The following PRKG1 variants were observed in gnomAD, a reference collection of about 807,000 sequenced individuals.
The protein encoded by PRKG1 is protein kinase cGMP-dependent 1.
A neutral mutation model predicts 88.1 loss-of-function variants in PRKG1; 35 were observed. The ratio of observed to expected loss-of-function variants is 0.40; its 90% confidence interval spans 0.30 to 0.53. PRKG1 has a LOEUF of 0.53. Among genes scored for constraint, PRKG1 ranks in the 20% least tolerant of loss-of-function variants. PRKG1 has a pLI of 0.59. For missense variants in PRKG1, 540 were observed against 839.8 expected (o/e 0.64, Z 4.41); for synonymous variants, 303 against 292.5 (o/e 1.04, Z -0.37).
rs564876495 is a variant in PRKG1, at chr10:52,181,285, G to A, written c.1076+19322G>A. Among the ~76,000 whole-genome samples the A allele has an allele frequency of 2.6e-5, 4 of 152,186 alleles. No homozygotes were observed. In the East Asian group the frequency reaches 7.7e-4, roughly 29 times the overall value. On this transcript the variant is annotated intron_variant, in intron 9 of 17. Transcript: ENST00000373980. ...CTTAGGTACATGTCTCCTGGGGGTG[G>A]CCTGGGACATGAGAACACAGCTGCT...
intron 3 of PRKG1, among the ~76,000 whole-genome samples, chr10:51,561,369 A>G (rs2132149056): frequency 6.6e-6 from 1 of 152,168 alleles, no homozygotes; most frequent in Non-Finnish European, 1.5e-5. Context: ...CAGATTTTCA[A>G]CAGAAAGCTA....
intron 3 of PRKG1, among the ~76,000 whole-genome samples, chr10:51,705,678 C>A (rs2132422894): frequency 6.6e-6 from 1 of 152,250 alleles, no homozygotes; most frequent in Non-Finnish European, 1.5e-5. Flanking sequence ...ATATTTTATT[C>A]TTTCTGCAAC....
At chr10:52,178,426 C>T (rs961813737) in intron 9 of PRKG1, among the ~76,000 whole-genome samples, 11 of 151,940 alleles carry the variant, frequency 7.2e-5, no homozygotes, top group African/African-American at 2.4e-5. Context: ...TATCATCTAT[C>T]CTGGGGAATG....
At chr10:51,959,196 A>C (rs1039329367) in intron 5 of PRKG1, among the ~76,000 whole-genome samples, 1 of 152,148 alleles carries the variant, frequency 6.6e-6, no homozygotes, top group Non-Finnish European at 1.5e-5. Flanking sequence ...TAGACTAGAC[A>C]CTCAACATGT....
chr10:51,125,458 T>C (rs1431769728), intron 1 of PRKG1, among the ~76,000 whole-genome samples: 1 of 150,792 alleles, frequency 6.6e-6, no homozygotes, highest in Non-Finnish European at 1.5e-5. Flanking sequence ...GAGGCCAAGT[T>C]GGGCAGATCA....
intron 9 of PRKG1, among the ~76,000 whole-genome samples, chr10:52,165,246 G>C (rs994906783): frequency 1.3e-5 from 2 of 152,060 alleles, no homozygotes; most frequent in Non-Finnish European, 2.9e-5. Context: ...TGAAGTGTAA[G>C]GTATCTCTTA....
At chr10:51,565,287 T>A (rs548197492) in intron 3 of PRKG1, among the ~76,000 whole-genome samples, 9 of 152,088 alleles carry the variant, frequency 5.9e-5, no homozygotes, top group Non-Finnish European at 4.4e-5. Context: ...AAGCTCTTTG[T>A]CTTCATACTG....
At chr10:51,453,386 C>T (rs186962037) in intron 2 of PRKG1, among the ~76,000 whole-genome samples, 63 of 151,944 alleles carry the variant, frequency 4.1e-4, no homozygotes, top group African/African-American at 1.5e-3. Flanking sequence ...TTCTCTAGTT[C>T]CTTGAGGTGT....
intron 4 of PRKG1, among the ~76,000 whole-genome samples, chr10:51,852,256 T>G (rs2132809634): frequency 6.7e-6 from 1 of 148,358 alleles, no homozygotes; most frequent in African/African-American, 2.6e-5. Flanking sequence ...ATATATAAAG[T>G]ATATATATGT....
chr10:51,049,543 A>G (rs777031144), intron 1 of PRKG1, among the ~76,000 whole-genome samples: 2 of 152,188 alleles, frequency 1.3e-5, no homozygotes, highest in Non-Finnish European at 2.9e-5. Context: ...AGCTTGTTTA[A>G]CTTAATATAA....
In PRKG1 at chr10:51,730,314, A is replaced by T. The variant is rs561619057; in HGVS notation, c.593-74271A>T. ...CTGGCTTAATGGCTTTTACTGTTTA[A>T]TATGTTACAAAGACTCTGGTCTTCA... On this transcript the variant is annotated intron_variant, in intron 3 of 17. Coordinates refer to ENST00000373980, the MANE Select transcript of PRKG1 (RefSeq NM_006258.4). Among the ~76,000 whole-genome samples, 11 of 152,350 alleles carry T rather than the reference A, an allele frequency of 7.2e-5. No individual in the cohort carries two copies. The South Asian group carries it at 2.1e-3, about 29-fold the overall frequency.
intron 3 of PRKG1, among the ~76,000 whole-genome samples, chr10:51,758,773 C>T (rs984396387): frequency 6.6e-5 from 10 of 152,094 alleles, no homozygotes; most frequent in African/African-American, 2.4e-4. Context: ...TGGTTTGCTG[C>T]ACCCACCAAC....
chr10:51,036,048 C>A (rs1364924430), intron 1 of PRKG1, among the ~76,000 whole-genome samples: 6 of 152,106 alleles, frequency 3.9e-5, no homozygotes, highest in Non-Finnish European at 8.8e-5. Flanking sequence ...TCAATCGTAT[C>A]CCATTTTATG....
intron 3 of PRKG1, among the ~76,000 whole-genome samples, chr10:51,486,124 G>A (rs1166427713): frequency 1.3e-5 from 2 of 151,968 alleles, no homozygotes; most frequent in Admixed American, 1.3e-4. Context: ...TTTGCGATAA[G>A]AACACATACC....
At chr10:51,033,462 A>G (rs983975568) in intron 1 of PRKG1, among the ~76,000 whole-genome samples, 3 of 152,194 alleles carry the variant, frequency 2.0e-5, no homozygotes, top group African/African-American at 7.2e-5. Context: ...ACTATAGGAC[A>G]TGTACCCTTT....
chr10:51,482,646 C>T (rs915380396), intron 3 of PRKG1, among the ~76,000 whole-genome samples: 2 of 152,118 alleles, frequency 1.3e-5, no homozygotes, highest in East Asian at 3.9e-4. Context: ...TATTGCTCAC[C>T]TTCACTCCCC....
At chr10:51,921,294 G>A (rs1370282236) in intron 5 of PRKG1, among the ~76,000 whole-genome samples, 1 of 151,976 alleles carries the variant, frequency 6.6e-6, no homozygotes, top group East Asian at 1.9e-4. Flanking sequence ...TCACTTACTA[G>A]TTCCAGGAGT....
chr10:51,887,825 T>G (rs1468607315), intron 4 of PRKG1, among the ~76,000 whole-genome samples: 1 of 152,220 alleles, frequency 6.6e-6, no homozygotes, highest in Non-Finnish European at 1.5e-5. Flanking sequence ...GAGACTCTCC[T>G]TTATATTGGA....
chr10:51,979,410 G>GTTTTTTTTTTTTGTTT (rs1843937594), intron 5 of PRKG1, among the ~76,000 whole-genome samples: 1 of 47,056 alleles, frequency 2.1e-5, no homozygotes, highest in Admixed American at 4.4e-4. Flanking sequence ...ATATTGGTCT[G>GTTTTTTTTTTTTGTTT]TTTTTTTTTT....
Sources: allele counts gnomAD v4.1 joint callset (sites outside exome capture counted in the v4.1 genomes callset), GRCh38; gene constraint gnomAD v4.1.1; transcripts MANE v1.5; gene names NCBI Gene and HGNC (gene_info 2026-07-23, HGNC 2026-07-21).